Variants in EXOC6B observed in about 807,000 individuals in gnomAD.
EXOC6B encodes SEC15 homolog B.
EXOC6B carries 54 observed loss-of-function variants against 113.5 expected under a neutral mutation model. The observed-to-expected ratio is 0.48, with a 90% CI of 0.38 to 0.60. The LOEUF (loss-of-function observed/expected upper bound fraction) is 0.60, where lower values mean the gene tolerates loss of function less well. Among genes scored for constraint, EXOC6B ranks in the 20% least tolerant of loss-of-function variants. The pLI, the probability that EXOC6B is intolerant of heterozygous loss-of-function variation, is 0.00. For missense variants in EXOC6B, 797 were observed against 977.5 expected (o/e 0.82, Z 2.46); for synonymous variants, 357 against 339.0 (o/e 1.05, Z -0.58).
At chr2:72,332,610 G>A (rs186598105) in intron 20 of EXOC6B, among the ~76,000 whole-genome samples, 8 of 152,160 alleles carry the variant, frequency 5.3e-5, no homozygotes, top group Non-Finnish European at 8.8e-5. Context: ...GGTGGAACTT[G>A]CTGCTTTAGG....
At chr2:72,582,811 G>A (rs1470929512) in intron 6 of EXOC6B, among the ~76,000 whole-genome samples, 1 of 152,140 alleles carries the variant, frequency 6.6e-6, no homozygotes, top group Non-Finnish European at 1.5e-5. Context: ...GGGGAGTGAT[G>A]GGTAAGATGG....
At chr2:72,768,442 C>T (rs1683227048) in intron 1 of EXOC6B, among the ~76,000 whole-genome samples, 1 of 151,846 alleles carries the variant, frequency 6.6e-6, no homozygotes, top group Admixed American at 6.6e-5. Context: ...CAGGCATGCG[C>T]TACCACCCCC....
chr2:72,609,281 AT>A (rs1435128511), intron 6 of EXOC6B, among the ~76,000 whole-genome samples: 1 of 152,094 alleles, frequency 6.6e-6, no homozygotes, highest in Admixed American at 6.6e-5. Flanking sequence ...AGATATTCAA[AT>A]TAGCTGACAA....
At chr2:72,495,937 G>C (rs1397355960) in intron 14 of EXOC6B, among the ~76,000 whole-genome samples, 7 of 152,090 alleles carry the variant, frequency 4.6e-5, no homozygotes, top group African/African-American at 1.7e-4. Context: ...ACAGAGCCCA[G>C]GTTTCTGCTG....
chr2:72,259,929 G>T (rs1389481502), intron 20 of EXOC6B, among the ~76,000 whole-genome samples: 1 of 152,114 alleles, frequency 6.6e-6, no homozygotes, highest in Non-Finnish European at 1.5e-5. Context: ...GTACACAGCT[G>T]TAGTCCCAGC....
chr2:72,644,420 T>C (rs1673523814), intron 6 of EXOC6B, among the ~76,000 whole-genome samples: 1 of 152,000 alleles, frequency 6.6e-6, no homozygotes, highest in African/African-American at 2.4e-5. Context: ...AACATTCAAA[T>C]TCAGAAAATA....
At chr2:72,224,648 G>C (rs190486359) in intron 20 of EXOC6B, among the ~76,000 whole-genome samples, 3 of 151,930 alleles carry the variant, frequency 2.0e-5, no homozygotes, top group East Asian at 1.9e-4. Context: ...TTATTTATTT[G>C]AGACAAAGTC....
chr2:72,229,172 CTGAT>C lies in EXOC6B; in HGVS notation c.2197-44989_2197-44986del, dbSNP rs1166553841. On this transcript the variant is annotated intron_variant, in intron 20 of 21. Transcript: ENST00000272427. ...ATCTCAGGTTTCTTAGTATGAGTGA[CTGAT>C]TGAGTAGTGATGCCTTTAATGGGGA... Among the ~76,000 whole-genome samples, 6 of 151,908 alleles carry C rather than the reference CTGAT, an allele frequency of 3.9e-5. No homozygotes were observed. In the East Asian group the frequency reaches 5.8e-4, roughly 15 times the overall value.
At chr2:72,631,510 AGAGAGAGAGAGAAAG>A (rs1672466260) in intron 6 of EXOC6B, among the ~76,000 whole-genome samples, 1 of 88,696 alleles carries the variant, frequency 1.1e-5, no homozygotes, top group Admixed American at 1.5e-4. Context: ...AGAGAGAGAG[AGAGAGAGAGAGAAAG>A]ACAAGGTCTT....
chr2:72,774,832 C>G (rs1247432905), intron 1 of EXOC6B, among the ~76,000 whole-genome samples: 1 of 152,194 alleles, frequency 6.6e-6, no homozygotes, highest in African/African-American at 2.4e-5. Flanking sequence ...GCATCAGTCA[C>G]AAACTAAGTG....
chr2:72,370,948 T>C (rs1690970192), intron 19 of EXOC6B, among the ~76,000 whole-genome samples: 1 of 151,720 alleles, frequency 6.6e-6, no homozygotes, highest in Non-Finnish European at 1.5e-5. Flanking sequence ...TGTATATATA[T>C]GTAACAAACC....
intron 6 of EXOC6B, among the ~76,000 whole-genome samples, chr2:72,658,448 T>G (rs1415570967): frequency 6.6e-6 from 1 of 152,036 alleles, no homozygotes; most frequent in African/African-American, 2.4e-5. Flanking sequence ...CTTAGTGTCA[T>G]GGCTGAAGTC....
At chr2:72,272,034 G>A (rs1684521593) in intron 20 of EXOC6B, among the ~76,000 whole-genome samples, 1 of 152,082 alleles carries the variant, frequency 6.6e-6, no homozygotes, top group Non-Finnish European at 1.5e-5. Context: ...ATCACTCTGG[G>A]TTTTTATCAG....
chr2:72,669,719 C>T (rs573750595), intron 6 of EXOC6B, among the ~76,000 whole-genome samples: 6 of 152,274 alleles, frequency 3.9e-5, no homozygotes, highest in Middle Eastern at 3.4e-3. Flanking sequence ...TTGAGAAACG[C>T]GTGGAAGTTG....
chr2:72,809,000 G>A (rs1685731376), intron 1 of EXOC6B, among the ~76,000 whole-genome samples: 1 of 152,114 alleles, frequency 6.6e-6, no homozygotes. Context: ...GGGAGGTCAA[G>A]GATGCAGTGA....
At chr2:72,573,362 T>C (rs1029681297) in intron 7 of EXOC6B, among the ~76,000 whole-genome samples, 1 of 152,178 alleles carries the variant, frequency 6.6e-6, no homozygotes, top group Non-Finnish European at 1.5e-5. Flanking sequence ...TGGTCCTTCT[T>C]GAGACTGATG....
At chr2:72,677,424 T>C (rs1676395564) in intron 6 of EXOC6B, among the ~76,000 whole-genome samples, 2 of 151,928 alleles carry the variant, frequency 1.3e-5, no homozygotes, top group African/African-American at 4.8e-5. Context: ...ATCAGCAAAC[T>C]TAGAAGAAAT....
At chr2:72,260,986 CTTCAGAGACATGGAAAGATGAATAA>C (rs1683678657) in intron 20 of EXOC6B, among the ~76,000 whole-genome samples, 1 of 152,118 alleles carries the variant, frequency 6.6e-6, no homozygotes, top group African/African-American at 2.4e-5. Context: ...TCTGTCTGTT[CTTCAGAGACATGGAAAGATGAATAA>C]AGAGTTTATG....
intron 20 of EXOC6B, among the ~76,000 whole-genome samples, chr2:72,203,885 G>A (rs1170061077): frequency 2.0e-5 from 3 of 152,302 alleles, no homozygotes; most frequent in East Asian, 1.9e-4. Flanking sequence ...AGTTGTTGAC[G>A]CTCAGGCTGT....
Sources: gnomAD v4.1 joint callset for allele counts (sites outside exome capture counted in the v4.1 genomes callset) on GRCh38, gnomAD v4.1.1 for gene constraint, MANE v1.5 for transcripts, NCBI Gene and HGNC (gene_info 2026-07-23, HGNC 2026-07-21) for gene names.